The following TDRD12 variants were observed in gnomAD, a reference collection of about 807,000 sequenced individuals.
The protein encoded by TDRD12 is tudor domain containing 12, also known as putative ATP-dependent RNA helicase TDRD12.
TDRD12 carries 158 observed loss-of-function variants against 133.5 expected under a neutral mutation model. That is an observed-to-expected ratio of 1.18 (90% confidence interval 1.04 to 1.35). The LOEUF (loss-of-function observed/expected upper bound fraction) is 1.35, where lower values mean the gene tolerates loss of function less well. Ranked by LOEUF, TDRD12 falls within the 40% of genes most tolerant of loss-of-function variation. The probability of loss-of-function intolerance (pLI) is 0.00; values close to 1 mark genes in which losing one functional copy is unlikely to be tolerated. For synonymous variants in TDRD12, 460 were observed against 477.9 expected (o/e 0.96, Z 0.49); for missense variants, 1,443 against 1,321.3 (o/e 1.09, Z -1.43).
In TDRD12 at chr19:32,807,533, G is replaced by C; in HGVS notation, c.2553-16G>C. 1 of 1,481,542 alleles carries C rather than the reference G, an allele frequency of 6.7e-7. No individual in the cohort carries two copies. The highest frequency in any genetic ancestry group is 9.0e-7 in the Non-Finnish European group (1 of 1,117,132). 91.8% of individuals were successfully genotyped at this position (1,481,542 alleles called of 1,614,324 possible). A position where few individuals can be genotyped will look rare whatever the true frequency, so the allele number is the denominator to read the frequency against. ...TTATTACTTACTTATGATAAGTCTAGTCATTTCATTTTCAGAGACAAAAGG... is the reference window on the plus strand; with the variant it reads ...TTATTACTTACTTATGATAAGTCTACTCATTTCATTTTCAGAGACAAAAGG... On this transcript the variant is annotated splice_polypyrimidine_tract_variant and intron_variant, in intron 21 of 27. Coordinates refer to ENST00000444215, the Ensembl canonical transcript of TDRD12.
At chr19:32,735,919 G>A (rs974033404) in intron 2 of TDRD12, among the ~76,000 whole-genome samples, 10 of 152,200 alleles carry the variant, frequency 6.6e-5, no homozygotes, top group African/African-American at 2.2e-4. Flanking sequence ...GCAGTGAGCT[G>A]AGATGGCACC....
chr19:32,827,059 G>A, intron 9 of TDRD12, 105 bp from the exon 33 acceptor site: 1 of 506,266 alleles, frequency 2.0e-6, no homozygotes. Context: ...GATACATAGA[G>A]CTGGAACCCA....
intron 21 of TDRD12, among the ~76,000 whole-genome samples, chr19:32,804,420 G>A (rs1971484393): frequency 6.6e-6 from 1 of 151,136 alleles, no homozygotes; most frequent in Non-Finnish European, 1.5e-5. Flanking sequence ...TTGGCCAGGT[G>A]CAGTGGCTCA....
At chr19:32,800,801 CT>C in intron 18 of TDRD12, 29 bp downstream of exon 18, 1 of 1,494,370 alleles carries the variant, frequency 6.7e-7, no homozygotes, top group Non-Finnish European at 8.8e-7. Context: ...AAAAAATGTT[CT>C]GTTTGTTTCA....
chr19:32,807,593 C>T (rs185610153), exon 22 of TDRD12: 291 of 1,535,162 alleles, frequency 1.9e-4, no homozygotes, highest in African/African-American at 1.5e-3. Context: ...AATCCAGAAA[C>T]GGACTTGCCC....
At position 32,751,536 on chromosome 19, in the gene TDRD12, T is replaced by TTCTCC. The variant is rs112532258; in HGVS notation, c.582+1683_582+1687dup. 4.8e-4 allele frequency among the ~76,000 whole-genome samples: 73 copies of TTCTCC among 152,008 alleles called. 1 individual carries two copies. Among genetic ancestry groups the TTCTCC allele is most frequent in the African/African-American group, 1.7e-3 (70 of 41,474 alleles). The stretch of plus-strand genomic sequence containing the variant: ...CTGTTTCATCTTTCCCTCTACATTT[T>TTCTCC]TCTCCTCTCCTCTCCTCTCCCTTCC... On this transcript the variant is annotated intron_variant, in intron 6 of 27. Coordinates refer to ENST00000444215, the Ensembl canonical transcript of TDRD12.
At chr19:32,748,356 A>C (rs1599853943) in intron 4 of TDRD12, 120 bp from the exon 5 acceptor site, 2 of 997,900 alleles carry the variant, frequency 2.0e-6, no homozygotes, top group South Asian at 3.3e-5. Flanking sequence ...GTGCCCCATC[A>C]TCTGCATCAC....
chr19:32,725,039 CT>C (rs1192640334), intron 1 of TDRD12, among the ~76,000 whole-genome samples: 1 of 152,150 alleles, frequency 6.6e-6, no homozygotes, highest in Non-Finnish European at 1.5e-5. Context: ...TGTTCATGCG[CT>C]TTGCCTACTT....
At chr19:32,781,408 A>G (rs1042785701) in intron 11 of TDRD12, among the ~76,000 whole-genome samples, 3 of 152,096 alleles carry the variant, frequency 2.0e-5, no homozygotes, top group Non-Finnish European at 4.4e-5. Context: ...GATTCTCTGC[A>G]TCTTTCTTGA....
At chr19:32,823,406 G>A (rs1967472175), downstream of TDRD12, among the ~76,000 whole-genome samples, 1 of 152,102 alleles carries the variant, frequency 6.6e-6, no homozygotes, top group African/African-American at 2.4e-5. Flanking sequence ...GGGGATTGTT[G>A]TGAAGGATGG....
intron 10 of TDRD12, among the ~76,000 whole-genome samples, chr19:32,776,668 T>C (rs1355511900): frequency 6.6e-6 from 1 of 152,110 alleles, no homozygotes; most frequent in Non-Finnish European, 1.5e-5. Flanking sequence ...ATCCAGAATC[T>C]CTAGTTGTGA....
intron 1 of TDRD12, among the ~76,000 whole-genome samples, chr19:32,731,075 G>C (rs1047266602): frequency 6.6e-6 from 1 of 152,076 alleles, no homozygotes; most frequent in African/African-American, 2.4e-5. Flanking sequence ...GAAAATCTTG[G>C]CTTCTAATAA....
chr19:32,824,078 G>C (rs536509634), downstream of TDRD12: 9 of 152,588 alleles, frequency 5.9e-5, no homozygotes, highest in East Asian at 1.3e-3. Context: ...CGTTGTCTCA[G>C]CTGGAAGAGA....
intron 14 of TDRD12, among the ~76,000 whole-genome samples, chr19:32,797,352 G>T (rs960377185): frequency 6.6e-6 from 1 of 152,152 alleles, no homozygotes; most frequent in Non-Finnish European, 1.5e-5. Flanking sequence ...CTGTGCAGGG[G>T]ATGTGGAGCC....
At chr19:32,802,884 T>A (rs1296486205) in intron 20 of TDRD12, 38 bp from the exon 21 acceptor site, 6 of 1,528,584 alleles carry the variant, frequency 3.9e-6, no homozygotes, top group Non-Finnish European at 5.3e-6. Flanking sequence ...CAGACTGGGA[T>A]AGATGATCCA....
At chr19:32,809,328 G>A (rs1040921740) in intron 22 of TDRD12, among the ~76,000 whole-genome samples, 1 of 152,168 alleles carries the variant, frequency 6.6e-6, no homozygotes, top group Non-Finnish European at 1.5e-5. Flanking sequence ...GGCTGAGCCC[G>A]TTTCCAGGGA....
At chr19:32,737,377 G>C (rs143692670) in intron 2 of TDRD12, among the ~76,000 whole-genome samples, 7 of 152,010 alleles carry the variant, frequency 4.6e-5, no homozygotes, top group African/African-American at 1.4e-4. Flanking sequence ...GCTGATTTTT[G>C]TGTTTTTAGT....
At chr19:32,797,329 T>C (rs534084497) in intron 14 of TDRD12, among the ~76,000 whole-genome samples, 2 of 152,132 alleles carry the variant, frequency 1.3e-5, no homozygotes, top group Non-Finnish European at 2.9e-5. Flanking sequence ...TAGTTCATTC[T>C]TGTGCTTAGG....
At chr19:32,731,842 C>G in exon 2 of TDRD12, 1 of 1,549,690 alleles carries the variant, frequency 6.5e-7, no homozygotes, top group Non-Finnish European at 8.7e-7. Context: ...CAGCACGTGT[C>G]AAGATATAGA....
Sources: gnomAD v4.1 joint callset for allele counts (sites outside exome capture counted in the v4.1 genomes callset) on GRCh38, gnomAD v4.1.1 for gene constraint, MANE v1.5 for transcripts, NCBI Gene and HGNC (gene_info 2026-07-23, HGNC 2026-07-21) for gene names.